The following IL33 variants were observed in gnomAD, a reference collection of about 807,000 sequenced individuals.
IL33 encodes interleukin 33, also known as interleukin-33.
IL33 carries 37 observed loss-of-function variants against 27.3 expected under a neutral mutation model. The observed-to-expected ratio is 1.36, with a 90% CI of 1.04 to 1.78. The LOEUF (loss-of-function observed/expected upper bound fraction) is 1.78, where lower values mean the gene tolerates loss of function less well. IL33 is among the 40% of genes most tolerant of loss of function. The pLI, the probability that IL33 is intolerant of heterozygous loss-of-function variation, is 0.00. For missense variants in IL33, 406 were observed against 311.4 expected (o/e 1.30, Z -2.29); for synonymous variants, 132 against 102.9 (o/e 1.28, Z -1.71).
chr9:6,253,567 G>C lies in IL33; in HGVS notation c.485G>C (p.Ser162Thr). Residue 162 changes from serine (S) to threonine (T), a missense_variant, in exon 6 of 8, where the codon AGT (serine) becomes ACT (threonine). Physicochemically the swap from Ser to Thr is moderately conservative, Grantham distance 58. Transcript: ENST00000682010. Reference sequence around the variant, plus strand: ...TCTCTTTCAGATAAGGTGTTACTGAGTTACTATGAGTCTCAACACCCCTCA... The same window carrying C: ...TCTCTTTCAGATAAGGTGTTACTGACTTACTATGAGTCTCAACACCCCTCA... Reference protein sequence around the residue: ...KDEKKDKVLLSYYESQHPSNE... With the variant: ...KDEKKDKVLLTYYESQHPSNE... 1.2e-6 allele frequency: 2 copies of C among 1,608,808 alleles called. No individual in the cohort carries two copies. Among genetic ancestry groups the C allele is most frequent in the Non-Finnish European group, 1.7e-6 (2 of 1,176,584 alleles).
At chr9:6,237,639 G>A (rs993499477) in intron 1 of IL33, among the ~76,000 whole-genome samples, 2 of 152,102 alleles carry the variant, frequency 1.3e-5, no homozygotes, top group Non-Finnish European at 2.9e-5. Context: ...CTTCAATAAA[G>A]GACTATCAAC....
At chr9:6,246,261 A>ATAG (rs1241513275) in intron 2 of IL33, among the ~76,000 whole-genome samples, 1 of 151,920 alleles carries the variant, frequency 6.6e-6, no homozygotes, top group Non-Finnish European at 1.5e-5. Context: ...TACCATTGCG[A>ATAG]TAGTATTAAG....
Position 6,257,180 on chromosome 9 carries a change from AG to A in IL33, c.*1015del, listed in dbSNP as rs1816785079. On this transcript the variant is annotated 3_prime_UTR_variant, in exon 8 of 8. Coordinates refer to ENST00000682010, the MANE Select transcript of IL33 (RefSeq NM_033439.4). ...ACCATCCCTTCTGACCCTGGCTTCC[AG>A]GGACCTATGTCTTTTAATACTCACT... 6.6e-6 allele frequency: 1 copy of A among 152,154 alleles called. No homozygotes were observed. The highest frequency in any genetic ancestry group is 2.4e-5 in the African/African-American group (1 of 41,436). 9.4% of individuals were successfully genotyped at this position (152,154 alleles called of 1,614,324 possible). A position where few individuals can be genotyped will look rare whatever the true frequency, so the allele number is the denominator to read the frequency against.
At chr9:6,251,381 C>A in intron 4 of IL33, 116 bp downstream of exon 4, 2 of 1,478,354 alleles carry the variant, frequency 1.4e-6, no homozygotes, top group South Asian at 1.2e-5. Flanking sequence ...GTACCAGAAA[C>A]TTCTGCCCAT....
At chr9:6,227,233 T>TA (rs1279267072) in intron 1 of IL33, among the ~76,000 whole-genome samples, 3 of 152,230 alleles carry the variant, frequency 2.0e-5, no homozygotes, top group Admixed American at 2.0e-4. Flanking sequence ...AGTTTACTGT[T>TA]AGACTCTCCA....
intron 1 of IL33, among the ~76,000 whole-genome samples, chr9:6,222,055 G>T (rs917243688): frequency 1.3e-5 from 2 of 152,152 alleles, no homozygotes; most frequent in African/African-American, 2.4e-5. Flanking sequence ...ATACCATGGT[G>T]GTCAAGCTTC....
At chr9:6,251,930 C>G (rs1275871087) in intron 4 of IL33, among the ~76,000 whole-genome samples, 1 of 151,540 alleles carries the variant, frequency 6.6e-6, no homozygotes, top group African/African-American at 2.4e-5. Context: ...ATTCCAGCTA[C>G]TTGTGAGGCT....
chr9:6,246,274 G>C, intron 2 of IL33, among the ~76,000 whole-genome samples: 1 of 151,744 alleles, frequency 6.6e-6, no homozygotes, highest in East Asian at 2.0e-4. Context: ...GTATTAAGAG[G>C]TGGAACCGGC....
intron 1 of IL33, among the ~76,000 whole-genome samples, chr9:6,241,246 A>C (rs1375519318): frequency 1.3e-5 from 2 of 152,240 alleles, no homozygotes; most frequent in African/African-American, 4.8e-5. Context: ...ATAGTATAGC[A>C]AATACATAAA....
chr9:6,252,778 A>C, intron 4 of IL33, 88 bp from the exon 5 acceptor site: 1 of 1,529,324 alleles, frequency 6.5e-7, no homozygotes. Context: ...ATGCAACTCA[A>C]ATTGCAAAAA....
chr9:6,218,661 C>CATATATATATCCCCAT, intron 1 of IL33, among the ~76,000 whole-genome samples: 1 of 139,952 alleles, frequency 7.1e-6, no homozygotes, highest in African/African-American at 2.8e-5. Flanking sequence ...CATATGTCCC[C>CATATATATATCCCCAT]ATATATATAT....
At chr9:6,234,433 C>T (rs1256802464) in intron 1 of IL33, among the ~76,000 whole-genome samples, 1 of 152,206 alleles carries the variant, frequency 6.6e-6, no homozygotes, top group Non-Finnish European at 1.5e-5. Context: ...ACCCTGCTTC[C>T]CCTCATCCCC....
rs1564073308 is a variant in IL33 at position 6,252,076 on chromosome 9, AACAAAACAAAACAAAAAAAC to A, written c.344-789_344-770del. Among the ~76,000 whole-genome samples, 1,280 of 133,674 alleles carry A rather than the reference AACAAAACAAAACAAAAAAAC, an allele frequency of 9.6e-3. 63 individuals carry two copies. The highest frequency in any genetic ancestry group is 0.035 in the African/African-American group (1,172 of 33,248). The allele number at this position is 133,674 out of a possible 152,430, so 87.7% of individuals were successfully genotyped here. On this transcript the variant is annotated intron_variant, in intron 4 of 7. Transcript: ENST00000682010. Reference sequence around the variant, plus strand: ...ACAAACAAAAAAAAACCCAACAAAAAACAAAACAAAACAAAAAAACCAACTTTACCTGGAAATTGCATTTG... The same window carrying A: ...ACAAACAAAAAAAAACCCAACAAAAACAACTTTACCTGGAAATTGCATTTG...
chr9:6,220,276 T>C (rs1438949479), intron 1 of IL33, among the ~76,000 whole-genome samples: 1 of 152,320 alleles, frequency 6.6e-6, no homozygotes, highest in Non-Finnish European at 1.5e-5. Context: ...AATTAAATGA[T>C]TGTCATAATT....
At chr9:6,225,181 A>G (rs1818574821) in intron 1 of IL33, among the ~76,000 whole-genome samples, 4 of 151,988 alleles carry the variant, frequency 2.6e-5, no homozygotes, top group Admixed American at 2.6e-4. Flanking sequence ...ACCCCCATCC[A>G]AAAAATGTGA....
At chr9:6,218,592 A>G (rs1402497992) in intron 1 of IL33, among the ~76,000 whole-genome samples, 2 of 148,424 alleles carry the variant, frequency 1.3e-5, no homozygotes, top group East Asian at 3.9e-4. Flanking sequence ...TAATATATAT[A>G]TGCATATATA....
At chr9:6,220,526 C>A (rs1306632675) in intron 1 of IL33, among the ~76,000 whole-genome samples, 1 of 152,116 alleles carries the variant, frequency 6.6e-6, no homozygotes, top group Non-Finnish European at 1.5e-5. Context: ...TTTTAGGGGA[C>A]TATATGCTTT....
chr9:6,225,802 AG>A (rs1370493741), intron 1 of IL33, among the ~76,000 whole-genome samples: 4 of 151,984 alleles, frequency 2.6e-5, no homozygotes, highest in African/African-American at 9.7e-5. Flanking sequence ...AGCTAACTAT[AG>A]CCTGGACCTC....
intron 1 of IL33, 53 bp from the exon 2 acceptor site, chr9:6,241,631 C>A: frequency 9.3e-7 from 1 of 1,071,416 alleles, no homozygotes; most frequent in Non-Finnish European, 1.4e-6. Flanking sequence ...CAGTTGTTTC[C>A]GTTTGTTTTT....
Sources: gnomAD v4.1 joint callset for allele counts (sites outside exome capture counted in the v4.1 genomes callset) on GRCh38, gnomAD v4.1.1 for gene constraint, MANE v1.5 for transcripts, NCBI Gene and HGNC (gene_info 2026-07-23, HGNC 2026-07-21) for gene names.